The following SNX18 variants were observed in gnomAD, a reference collection of about 807,000 sequenced individuals.
SNX18 encodes sorting nexin 18, also known as sorting nexin-18.
SNX18 carries 35 observed loss-of-function variants against 48.7 expected under a neutral mutation model. The observed-to-expected ratio is 0.72, with a 90% CI of 0.55 to 0.95. SNX18 has a LOEUF of 0.95. Among genes scored for constraint, SNX18 ranks in the 40% least tolerant of loss-of-function variants. The probability of loss-of-function intolerance (pLI) is 0.00; values close to 1 mark genes in which losing one functional copy is unlikely to be tolerated. For missense variants in SNX18, 824 were observed against 871.0 expected (o/e 0.95, Z 0.68); for synonymous variants, 492 against 384.7 (o/e 1.28, Z -3.26).
the SNX18 span, among the ~76,000 whole-genome samples, chr5:54,581,205 G>A: frequency 2.0e-5 from 3 of 152,116 alleles, no homozygotes; most frequent in Non-Finnish European, 2.9e-5. Context: ...TGTCCTCTCT[G>A]TGTCAAGGGG....
At chr5:54,644,397 G>A in the SNX18 span, 3 of 152,278 alleles carry the variant, frequency 2.0e-5, no homozygotes, top group African/African-American at 7.2e-5. Flanking sequence ...TTCAGGAATG[G>A]GGCACAATCC....
the SNX18 span, among the ~76,000 whole-genome samples, chr5:54,581,998 A>T: frequency 2.0e-5 from 3 of 152,122 alleles, no homozygotes; most frequent in Admixed American, 6.5e-5. Flanking sequence ...GCAGAGTTTC[A>T]TCTGGAATAT....
At chr5:54,590,022 C>T in the SNX18 span, among the ~76,000 whole-genome samples, 4 of 152,230 alleles carry the variant, frequency 2.6e-5, no homozygotes, top group African/African-American at 9.6e-5. Flanking sequence ...AACTCCTAGC[C>T]TCAAGCCATC....
chr5:54,530,964 G>C (rs975720346), intron 1 of SNX18, among the ~76,000 whole-genome samples: 1 of 151,674 alleles, frequency 6.6e-6, no homozygotes, highest in African/African-American at 2.4e-5. Context: ...TGTTGGCCAG[G>C]CTTGTCTCAA....
rs1223727139 is a variant in SNX18 at position 54,518,454 on chromosome 5, C to G, written c.502C>G (p.Pro168Ala). The G allele has an allele frequency of 1.3e-6, 2 of 1,572,476 alleles. No homozygotes were observed. Among genetic ancestry groups the G allele is most frequent in the East Asian group, 4.7e-5 (2 of 42,114 alleles). ...CGACAGCTCCACGGTGGCGGACGAG[C>G]CGGGCGCTCTGGGCAGCGGAGCATA... ...WDDSSTVADEPGALGSGAYPD... is the reference protein window; with the variant it reads ...WDDSSTVADEAGALGSGAYPD... Residue 168 changes from proline to alanine, a missense_variant, in exon 1 of 2, where the codon CCG becomes GCG. Pro to Ala is a conservative substitution (Grantham distance 27). Around this residue, in one of 3 missense-constraint regions of SNX18, gnomAD observed 377 missense variants for 350.6 expected, o/e 1.08. Coordinates refer to ENST00000381410, the MANE Select transcript of SNX18 (RefSeq NM_001102575.2).
chr5:54,621,705 C>G, the SNX18 span, among the ~76,000 whole-genome samples: 1 of 152,152 alleles, frequency 6.6e-6, no homozygotes, highest in Non-Finnish European at 1.5e-5. Context: ...ACTCAGGTAT[C>G]AGAGAAGGGT....
intron 1 of SNX18, among the ~76,000 whole-genome samples, chr5:54,540,194 A>G (rs1762437470): frequency 6.9e-6 from 1 of 145,676 alleles, no homozygotes; most frequent in South Asian, 2.2e-4. Flanking sequence ...ATAAGTTGTA[A>G]AAACTTTAGA....
the SNX18 span, among the ~76,000 whole-genome samples, chr5:54,556,904 G>T: frequency 6.6e-6 from 1 of 152,312 alleles, no homozygotes; most frequent in African/African-American, 2.4e-5. Context: ...TTTACATTAA[G>T]AAGCTGATAG....
the SNX18 span, among the ~76,000 whole-genome samples, chr5:54,591,406 G>T: frequency 6.6e-6 from 1 of 152,234 alleles, no homozygotes; most frequent in African/African-American, 2.4e-5. Context: ...GCCCAGGCTG[G>T]TCTCGAACTC....
At chr5:54,625,285 C>G in the SNX18 span, among the ~76,000 whole-genome samples, 1 of 152,194 alleles carries the variant, frequency 6.6e-6, no homozygotes, top group African/African-American at 2.4e-5. Flanking sequence ...CGGGTCCGGC[C>G]TTGCTGTACA....
At chr5:54,577,049 C>T in the SNX18 span, among the ~76,000 whole-genome samples, 665 of 152,276 alleles carry the variant, frequency 4.4e-3, 4 homozygotes, top group African/African-American at 0.015. Flanking sequence ...GATCCACCCA[C>T]CTTGGCATCC....
the SNX18 span, among the ~76,000 whole-genome samples, chr5:54,633,954 C>T: frequency 2.6e-5 from 4 of 152,188 alleles, no homozygotes; most frequent in Non-Finnish European, 5.9e-5. Context: ...GTATTATGAA[C>T]AAGAGAAGCA....
chr5:54,618,531 C>T, the SNX18 span, among the ~76,000 whole-genome samples: 3 of 152,094 alleles, frequency 2.0e-5, no homozygotes, highest in Non-Finnish European at 4.4e-5. Context: ...TCCTTGGCTA[C>T]AAAAATGGGA....
chr5:54,555,754 A>G, the SNX18 span, among the ~76,000 whole-genome samples: 1 of 151,636 alleles, frequency 6.6e-6, no homozygotes, highest in African/African-American at 2.4e-5. Flanking sequence ...TTGAACCCAG[A>G]AGGCGGAGGT....
At chr5:54,523,374 G>A (rs1337362681) in intron 1 of SNX18, among the ~76,000 whole-genome samples, 4 of 152,112 alleles carry the variant, frequency 2.6e-5, no homozygotes, top group African/African-American at 9.7e-5. Flanking sequence ...GCAAGTTGAG[G>A]TTTAAAAGAT....
chr5:54,638,063 C>T, the SNX18 span, among the ~76,000 whole-genome samples: 1 of 152,110 alleles, frequency 6.6e-6, no homozygotes, highest in Non-Finnish European at 1.5e-5. Context: ...TGTAATTGTT[C>T]AGTAGTCACC....
chr5:54,572,655 T>C, the SNX18 span, among the ~76,000 whole-genome samples: 1 of 151,270 alleles, frequency 6.6e-6, no homozygotes, highest in Non-Finnish European at 1.5e-5. Context: ...TCATAATATG[T>C]TGATGCTTAT....
At chr5:54,524,740 G>T (rs1286500611) in intron 1 of SNX18, among the ~76,000 whole-genome samples, 2 of 152,262 alleles carry the variant, frequency 1.3e-5, no homozygotes, top group African/African-American at 4.8e-5. Flanking sequence ...AGGCAGACGT[G>T]TATCATGTCT....
At chr5:54,587,408 A>C in the SNX18 span, among the ~76,000 whole-genome samples, 1 of 152,156 alleles carries the variant, frequency 6.6e-6, no homozygotes, top group African/African-American at 2.4e-5. Context: ...CAAAGACATA[A>C]TCTATTGCGT....
Sources: gnomAD v4.1 joint callset for allele counts (sites outside exome capture counted in the v4.1 genomes callset) on GRCh38, gnomAD v4.1.1 for gene constraint, gnomAD v4.1.1 regional missense constraint, MANE v1.5 for transcripts, NCBI Gene and HGNC (gene_info 2026-07-23, HGNC 2026-07-21) for gene names.